Variants in FAM171A1 observed in about 807,000 individuals in gnomAD.
FAM171A1 encodes the protein family with sequence similarity 171 member A1.
Under a neutral mutation model 74.9 loss-of-function variants are expected in FAM171A1, and 23 were observed. That is an observed-to-expected ratio of 0.31 (90% CI 0.22 to 0.44). The LOEUF (loss-of-function observed/expected upper bound fraction) is 0.44, where lower values mean the gene tolerates loss of function less well. Ranked by LOEUF, FAM171A1 falls within the 20% of genes least tolerant of loss-of-function variation. The probability of loss-of-function intolerance (pLI) is 1.00; values close to 1 mark genes in which losing one functional copy is unlikely to be tolerated. For missense variants in FAM171A1, 1,162 were observed against 1,159.2 expected, an observed-to-expected ratio of 1.00 and a Z score of -0.03; for synonymous variants, 527 against 505.7, an observed-to-expected ratio of 1.04 and a Z score of -0.57.
At chr10:15,313,923 G>A (rs1588548821) in intron 1 of FAM171A1, among the ~76,000 whole-genome samples, 1 of 152,212 alleles carries the variant, frequency 6.6e-6, no homozygotes, top group African/African-American at 2.4e-5. Flanking sequence ...GAATCCACAC[G>A]CTCTGTACAA....
At chr10:15,232,703 C>T (rs977831162) in intron 5 of FAM171A1, among the ~76,000 whole-genome samples, 1 of 152,176 alleles carries the variant, frequency 6.6e-6, no homozygotes, top group East Asian at 1.9e-4. Flanking sequence ...CCAGATCAGC[C>T]CATCATTCTA....
intron 5 of FAM171A1, among the ~76,000 whole-genome samples, chr10:15,245,768 G>A: frequency 6.6e-6 from 1 of 152,230 alleles, no homozygotes; most frequent in South Asian, 2.1e-4. Flanking sequence ...CCCTGGGAGG[G>A]CTACAGGGGA....
chr10:15,254,914 G>A (rs1412515475), intron 3 of FAM171A1, 35 bp from the exon 4 acceptor site: 12 of 1,592,034 alleles, frequency 7.5e-6, no homozygotes, highest in Non-Finnish European at 1.0e-5. Context: ...TCTCCCCCAG[G>A]AGCAGTTTCT....
At chr10:15,364,261 A>T (rs1417623152) in intron 1 of FAM171A1, among the ~76,000 whole-genome samples, 1 of 152,132 alleles carries the variant, frequency 6.6e-6, no homozygotes, top group Non-Finnish European at 1.5e-5. Flanking sequence ...TGTGAATCCC[A>T]GCTCTGGAAG....
intron 2 of FAM171A1, among the ~76,000 whole-genome samples, chr10:15,279,046 T>C (rs1270441113): frequency 1.3e-5 from 2 of 152,104 alleles, no homozygotes; most frequent in African/African-American, 4.8e-5. Flanking sequence ...TCCTGCTCCA[T>C]TGCAGAGCTC....
At chr10:15,230,719 G>A (rs1281320965) in intron 5 of FAM171A1, among the ~76,000 whole-genome samples, 1 of 152,106 alleles carries the variant, frequency 6.6e-6, no homozygotes, top group East Asian at 1.9e-4. Flanking sequence ...GCAGTTATGG[G>A]AAACCACAAA....
At chr10:15,357,001 G>A (rs2883026) in intron 1 of FAM171A1, among the ~76,000 whole-genome samples, 26,996 of 150,652 alleles carry the variant, frequency 0.18, 2,523 homozygotes, top group Admixed American at 0.23. Context: ...AAAAAAGGCC[G>A]GGCACAGTGG....
chr10:15,360,903 C>A (rs575717997), intron 1 of FAM171A1, among the ~76,000 whole-genome samples: 42 of 152,252 alleles, frequency 2.8e-4, no homozygotes, highest in African/African-American at 8.9e-4. Context: ...GTTACAGTCA[C>A]CTAAAAGATC....
At chr10:15,358,285 T>C (rs1191227518) in intron 1 of FAM171A1, among the ~76,000 whole-genome samples, 2 of 152,160 alleles carry the variant, frequency 1.3e-5, no homozygotes, top group Non-Finnish European at 2.9e-5. Flanking sequence ...TAGAAGCTTT[T>C]TTAAAAAGAA....
chr10:15,257,651 C>T (rs1002204171), intron 3 of FAM171A1, among the ~76,000 whole-genome samples: 6 of 151,874 alleles, frequency 4.0e-5, no homozygotes, highest in Admixed American at 6.6e-5. Flanking sequence ...AGGATATGGC[C>T]GGTGCAGCTT....
intron 1 of FAM171A1, among the ~76,000 whole-genome samples, chr10:15,365,630 T>C (rs918411463): frequency 6.6e-6 from 1 of 151,732 alleles, no homozygotes; most frequent in Non-Finnish European, 1.5e-5. Flanking sequence ...ATTAGCCAGG[T>C]GTGGTAGCAT....
chr10:15,309,277 T>C (rs1835331437), intron 1 of FAM171A1, among the ~76,000 whole-genome samples: 1 of 152,166 alleles, frequency 6.6e-6, no homozygotes, highest in Admixed American at 6.5e-5. Flanking sequence ...GGCACGATCA[T>C]GGCTCACGCA....
At position 15,304,733 on chromosome 10, in the gene FAM171A1, CCTCT is replaced by C. The variant is rs538818759; in HGVS notation, c.98-20632_98-20629del. ...TTCTTTTAACTTCCCTCCCTCTCTC[CCTCT>C]CTCTCTGTCTTTTTCTCTCTTCAGA... On this transcript the variant is annotated intron_variant, in intron 1 of 7. Transcript: ENST00000378116. 2.2e-3 allele frequency among the ~76,000 whole-genome samples: 334 copies of C among 152,096 alleles called. 1 individual carries two copies. Among genetic ancestry groups the C allele is most frequent in the African/African-American group, 7.9e-3 (328 of 41,512 alleles).
At chr10:15,354,569 C>G (rs547397303) in intron 1 of FAM171A1, among the ~76,000 whole-genome samples, 1 of 152,130 alleles carries the variant, frequency 6.6e-6, no homozygotes, top group Non-Finnish European at 1.5e-5. Context: ...CTCAGGAAGA[C>G]GCCTGGGGAG....
At chr10:15,360,928 A>G (rs1835986098) in intron 1 of FAM171A1, among the ~76,000 whole-genome samples, 1 of 152,162 alleles carries the variant, frequency 6.6e-6, no homozygotes, top group Non-Finnish European at 1.5e-5. Context: ...TATTTTTCCC[A>G]TGGATTAAAA....
chr10:15,269,307 T>A (rs1485553833), intron 3 of FAM171A1, among the ~76,000 whole-genome samples: 1 of 151,866 alleles, frequency 6.6e-6, no homozygotes, highest in Non-Finnish European at 1.5e-5. Context: ...TTAGTAGAGA[T>A]GGAGTCTTGC....
At chr10:15,298,355 A>G (rs534533621) in intron 1 of FAM171A1, among the ~76,000 whole-genome samples, 1 of 152,122 alleles carries the variant, frequency 6.6e-6, no homozygotes, top group East Asian at 1.9e-4. Flanking sequence ...GCTGGTTTCA[A>G]ACTCCTGACC....
At chr10:15,276,694 T>C (rs1277801643) in intron 2 of FAM171A1, among the ~76,000 whole-genome samples, 1 of 152,210 alleles carries the variant, frequency 6.6e-6, no homozygotes, top group African/African-American at 2.4e-5. Context: ...TTTTCATTTT[T>C]ATTTTTTTGA....
intron 3 of FAM171A1, among the ~76,000 whole-genome samples, chr10:15,271,086 T>C (rs1033695410): frequency 6.6e-6 from 1 of 152,150 alleles, no homozygotes; most frequent in Non-Finnish European, 1.5e-5. Flanking sequence ...CAAACTTCTC[T>C]GAGCTAAAGG....
Sources: allele counts gnomAD v4.1 joint callset (sites outside exome capture counted in the v4.1 genomes callset), GRCh38; gene constraint gnomAD v4.1.1; transcripts MANE v1.5; gene names NCBI Gene and HGNC (gene_info 2026-07-23, HGNC 2026-07-21).